LPP: variants seen among roughly 807,000 people sequenced by gnomAD.
The protein encoded by LPP is LIM domain containing preferred translocation partner in lipoma, also known as lipoma-preferred partner.
In LPP, 38 loss-of-function variants were observed where a neutral mutation model predicts 60.4. The observed-to-expected ratio is 0.63, with a 90% CI of 0.49 to 0.83. LPP has a LOEUF of 0.83. Among genes scored for constraint, LPP ranks in the 40% least tolerant of loss-of-function variants. The pLI is 0.00. For missense variants in LPP, 902 were observed against 783.6 expected (o/e 1.15, Z -1.80); for synonymous variants, 328 against 290.8 (o/e 1.13, Z -1.30).
At chr3:188,563,687 T>C (rs1330466795) in intron 6 of LPP, among the ~76,000 whole-genome samples, 1 of 151,734 alleles carries the variant, frequency 6.6e-6, no homozygotes, top group Non-Finnish European at 1.5e-5. Context: ...TATCTTTGTG[T>C]ACATGTGAAT....
intron 7 of LPP, among the ~76,000 whole-genome samples, chr3:188,638,300 G>A (rs1436424205): frequency 2.5e-3 from 328 of 128,734 alleles, no homozygotes; most frequent in South Asian, 5.1e-3. Context: ...AAAGGCCTTT[G>A]ACAAAATTCA....
intron 9 of LPP, among the ~76,000 whole-genome samples, chr3:188,792,333 T>C (rs917930901): frequency 3.9e-5 from 6 of 152,158 alleles, no homozygotes; most frequent in Non-Finnish European, 8.8e-5. Context: ...TTTACAGCCC[T>C]TGGGAGCAGC....
intron 5 of LPP, among the ~76,000 whole-genome samples, chr3:188,507,724 T>G (rs907967264): frequency 6.6e-6 from 1 of 152,114 alleles, no homozygotes; most frequent in Non-Finnish European, 1.5e-5. Flanking sequence ...TTCTTTCATA[T>G]TTAGTGGGGA....
chr3:188,276,894 CTTTTTTTTTTTTTTTT>C (rs1203656488), intron 2 of LPP, among the ~76,000 whole-genome samples: 1 of 38,204 alleles, frequency 2.6e-5, no homozygotes, highest in South Asian at 1.1e-3. Context: ...CTTTTCTTTT[CTTTTTTTTTTTTTTTT>C]TTTTTTTTTG....
At chr3:188,659,092 T>C (rs1297281770) in intron 7 of LPP, among the ~76,000 whole-genome samples, 1 of 151,896 alleles carries the variant, frequency 6.6e-6, no homozygotes, top group African/African-American at 2.4e-5. Context: ...GCTTAGTAAG[T>C]GTTAAAAAAT....
At chr3:188,347,528 A>G (rs1221177866) in intron 3 of LPP, among the ~76,000 whole-genome samples, 1 of 152,166 alleles carries the variant, frequency 6.6e-6, no homozygotes, top group Non-Finnish European at 1.5e-5. Context: ...CCCTGATCAT[A>G]CTGAGTTTTC....
At position 188,609,063 on chromosome 3, in the gene LPP, T is replaced by C; in HGVS notation, c.430-98T>C. ...TGTTCTACATAGTAATAAATAATAA[T>C]TAGCAGTTATTAATATTTTTCATTT... On this transcript the variant is annotated intron_variant, in intron 6 of 11. Transcript: ENST00000617246. The surrounding 1 kb of genome is among the most constrained non-coding windows in gnomAD (Gnocchi z 6.9). 1.2e-6 allele frequency: 1 copy of C among 860,134 alleles called. No individual in the cohort carries two copies. The highest frequency in any genetic ancestry group is 2.7e-5 in the Admixed American group (1 of 36,546). The allele number at this position is 860,134 out of a possible 1,614,324, so 53.3% of individuals were successfully genotyped here.
At chr3:188,163,710 G>C (rs930434176) in intron 1 of LPP, among the ~76,000 whole-genome samples, 2 of 151,614 alleles carry the variant, frequency 1.3e-5, no homozygotes, top group Non-Finnish European at 2.9e-5. Flanking sequence ...GGGAGACTGA[G>C]TTGGGTGGAT....
intron 7 of LPP, among the ~76,000 whole-genome samples, chr3:188,678,284 T>G (rs1017210855): frequency 6.6e-6 from 1 of 152,252 alleles, no homozygotes; most frequent in African/African-American, 2.4e-5. Flanking sequence ...AACCAAAGTC[T>G]TCTTCTGTTG....
At chr3:188,157,574 G>A (rs546583388) in intron 1 of LPP, among the ~76,000 whole-genome samples, 8 of 152,212 alleles carry the variant, frequency 5.3e-5, no homozygotes, top group African/African-American at 1.7e-4. Flanking sequence ...GGTAAAACCC[G>A]GGGTTGGAGC....
chr3:188,680,852 A>G (rs746669009), intron 7 of LPP, among the ~76,000 whole-genome samples: 3 of 152,188 alleles, frequency 2.0e-5, no homozygotes, highest in Admixed American at 6.5e-5. Flanking sequence ...CGCAAGTTTT[A>G]TCTTTCATAC....
intron 1 of LPP, among the ~76,000 whole-genome samples, chr3:188,178,241 G>A (rs192722031): frequency 3.8e-4 from 58 of 152,266 alleles, no homozygotes; most frequent in African/African-American, 1.3e-3. Context: ...CCCCAGTGGA[G>A]GGCACCACAT....
intron 4 of LPP, among the ~76,000 whole-genome samples, chr3:188,455,894 T>C (rs574559439): frequency 6.6e-6 from 1 of 150,962 alleles, no homozygotes; most frequent in Non-Finnish European, 1.5e-5. Flanking sequence ...AAAAAAAATT[T>C]TTTTATTTGT....
intron 6 of LPP, among the ~76,000 whole-genome samples, chr3:188,602,330 G>T (rs964610997): frequency 6.6e-6 from 1 of 150,574 alleles, no homozygotes; most frequent in African/African-American, 2.4e-5. Flanking sequence ...GATGACTCAA[G>T]AAAGCAAATT....
intron 9 of LPP, among the ~76,000 whole-genome samples, chr3:188,852,160 T>C (rs1480542262): frequency 6.6e-6 from 1 of 152,134 alleles, no homozygotes; most frequent in Non-Finnish European, 1.5e-5. Context: ...TGAGACTCTG[T>C]CTCAAAAAAG....
chr3:188,842,538 G>T (rs753554174), intron 9 of LPP, among the ~76,000 whole-genome samples: 1 of 152,092 alleles, frequency 6.6e-6, no homozygotes, highest in Non-Finnish European at 1.5e-5. Flanking sequence ...AATTATGCAT[G>T]TTTGCTTTGG....
At chr3:188,558,619 G>A (rs1426764888) in intron 6 of LPP, among the ~76,000 whole-genome samples, 1 of 152,024 alleles carries the variant, frequency 6.6e-6, no homozygotes, top group Non-Finnish European at 1.5e-5. Context: ...ATCAACAAAT[G>A]TTTGCTGAAC....
chr3:188,683,439 C>T (rs779543260), intron 7 of LPP, among the ~76,000 whole-genome samples: 1 of 152,022 alleles, frequency 6.6e-6, no homozygotes, highest in Non-Finnish European at 1.5e-5. Flanking sequence ...GCTGAGATGG[C>T]CTATTGGGGT....
At chr3:188,447,107 A>G (rs1795399264) in intron 4 of LPP, among the ~76,000 whole-genome samples, 1 of 151,686 alleles carries the variant, frequency 6.6e-6, no homozygotes. Context: ...CTTGAGAAAA[A>G]CCTCAGAGAT....
Sources: gnomAD v4.1 joint callset for allele counts (sites outside exome capture counted in the v4.1 genomes callset) on GRCh38, gnomAD v4.1.1 for gene constraint, Gnocchi (gnomAD v3.1) non-coding constraint, MANE v1.5 for transcripts, NCBI Gene and HGNC (gene_info 2026-07-23, HGNC 2026-07-21) for gene names.